The following THSD4 variants were observed in gnomAD, a reference collection of about 807,000 sequenced individuals.
The protein encoded by THSD4 is thrombospondin type-1 domain-containing protein 4.
A neutral mutation model predicts 119.0 loss-of-function variants in THSD4; 69 were observed. The observed-to-expected ratio is 0.58, with a 90% CI of 0.48 to 0.71. THSD4 has a LOEUF of 0.71. THSD4 is among the 30% of genes least tolerant of loss of function. The pLI, the probability that THSD4 is intolerant of heterozygous loss-of-function variation, is 0.00. For missense variants in THSD4, 1,393 were observed against 1,391.1 expected, an observed-to-expected ratio of 1.00 and a Z score of -0.02; for synonymous variants, 524 against 540.4, an observed-to-expected ratio of 0.97 and a Z score of 0.42.
At chr15:71,382,780 T>C (rs986259223) in intron 6 of THSD4, among the ~76,000 whole-genome samples, 1 of 152,214 alleles carries the variant, frequency 6.6e-6, no homozygotes, top group African/African-American at 2.4e-5. Context: ...TATTTTCTCA[T>C]AACACAATTT....
rs2051057366 is a variant in THSD4 at position 71,650,256 on chromosome 15, A to G, written c.1153-10274A>G. Among the ~76,000 whole-genome samples the G allele has an allele frequency of 2.0e-5, 3 of 152,312 alleles. No individual in the cohort carries two copies. The South Asian group carries it at 6.2e-4, about 32-fold the overall frequency. On this transcript the variant is annotated intron_variant, in intron 7 of 17. Transcript: ENST00000261862. ...GCTGCAACAGAGACCATATGACTGCAATGCCTGAGGTATTTACTCTCTGGC... is the reference window on the plus strand; with the variant it reads ...GCTGCAACAGAGACCATATGACTGCGATGCCTGAGGTATTTACTCTCTGGC...
At chr15:71,295,719 T>G (rs1039679238) in intron 6 of THSD4, among the ~76,000 whole-genome samples, 1 of 152,194 alleles carries the variant, frequency 6.6e-6, no homozygotes, top group Admixed American at 6.5e-5. Context: ...AGTCACATTT[T>G]ACAATCAATG....
At chr15:71,112,093 G>T, upstream of THSD4, 1 of 1,612,344 alleles carries the variant, frequency 6.2e-7, no homozygotes, top group East Asian at 2.2e-5. Flanking sequence ...TGAACTCCCA[G>T]AAGGTTGCTC....
intron 7 of THSD4, among the ~76,000 whole-genome samples, chr15:71,634,360 G>A (rs1196703448): frequency 6.6e-6 from 1 of 152,116 alleles, no homozygotes; most frequent in Non-Finnish European, 1.5e-5. Context: ...AGTTCCTTGG[G>A]AACACCAGTC....
At chr15:71,557,531 G>A (rs965713134) in intron 7 of THSD4, among the ~76,000 whole-genome samples, 1 of 151,986 alleles carries the variant, frequency 6.6e-6, no homozygotes, top group African/African-American at 2.4e-5. Flanking sequence ...ATGTCTGGAG[G>A]ATTTTCTATA....
rs185296354 is a variant in THSD4, at chr15:71,357,483, C to T, written c.1016-54204C>T. 9.8e-3 allele frequency among the ~76,000 whole-genome samples: 1,500 copies of T among 152,288 alleles called. 9 individuals carry two copies. The highest frequency in any genetic ancestry group is 0.014 in the Non-Finnish European group (943 of 68,022). ...CTGCAGACTGGCTTCTCTAAGAGGG[C>T]GTGGGCTGCAGCAGCCAAGAGCCAT... On this transcript the variant is annotated intron_variant, in intron 6 of 17. Transcript: ENST00000261862.
intron 14 of THSD4, among the ~76,000 whole-genome samples, chr15:71,750,606 T>G (rs1171109731): frequency 3.3e-5 from 5 of 152,198 alleles, no homozygotes; most frequent in Non-Finnish European, 7.3e-5. Context: ...CCCTGCCCCT[T>G]AGGCCCACGA....
chr15:71,153,623 G>C (rs1169936199), intron 2 of THSD4, among the ~76,000 whole-genome samples: 1 of 152,168 alleles, frequency 6.6e-6, no homozygotes, highest in African/African-American at 2.4e-5. Flanking sequence ...AATGGTGGAA[G>C]CTTTATCTAA....
chr15:71,224,594 A>AC (rs906754622), intron 4 of THSD4, among the ~76,000 whole-genome samples: 1 of 152,134 alleles, frequency 6.6e-6, no homozygotes, highest in African/African-American at 2.4e-5. Context: ...CTTAAAAAAA[A>AC]CACACCAGTT....
intron 15 of THSD4, among the ~76,000 whole-genome samples, chr15:71,758,785 C>T (rs2053584863): frequency 6.6e-6 from 1 of 152,148 alleles, no homozygotes; most frequent in Admixed American, 6.5e-5. Flanking sequence ...AGACCTCTGG[C>T]TCCATATAGA....
chr15:71,173,594 T>A lies in THSD4; in HGVS notation c.99+18662T>A, dbSNP rs939762724. 3.5e-3 allele frequency among the ~76,000 whole-genome samples: 529 copies of A among 149,062 alleles called. 4 individuals are homozygous for A. The highest frequency in any genetic ancestry group is 0.012 in the African/African-American group (498 of 40,412). The stretch of plus-strand genomic sequence containing the variant: ...TATATATATATATATATATACATTT[T>A]TATATATATATGGACAATTGATTTT... On this transcript the variant is annotated intron_variant, in intron 3 of 17. Transcript: ENST00000261862.
rs772196153 is a variant in THSD4, at chr15:71,297,315, C to CTTTTTTTTTTTT, written c.1015+40608_1015+40609insTTTTTTTTTTTT. Among the ~76,000 whole-genome samples the CTTTTTTTTTTTT allele has an allele frequency of 1.9e-3, 265 of 137,044 alleles. 2 individuals are homozygous for CTTTTTTTTTTTT. Among genetic ancestry groups the CTTTTTTTTTTTT allele is most frequent in the East Asian group, 4.1e-3 (19 of 4,670 alleles). The allele number at this position is 137,044 out of a possible 152,430, so 89.9% of individuals were successfully genotyped here. Reference sequence around the variant, plus strand: ...TATTCAAGTCCTTTGCTCTCCTCTTCTTTTTTTTGTTTGTTTGTTTGTTTG... The same window carrying CTTTTTTTTTTTT: ...TATTCAAGTCCTTTGCTCTCCTCTTCTTTTTTTTTTTTTTTTTTTTGTTTGTTTGTTTGTTTG... On this transcript the variant is annotated intron_variant, in intron 6 of 17. Transcript: ENST00000261862.
At chr15:71,436,103 C>T (rs1050491516) in intron 7 of THSD4, among the ~76,000 whole-genome samples, 31 of 152,242 alleles carry the variant, frequency 2.0e-4, no homozygotes, top group African/African-American at 5.5e-4. Flanking sequence ...GACCCTCATC[C>T]GGTTTTCATT....
At chr15:71,770,662 A>G (rs2053806206) in intron 16 of THSD4, among the ~76,000 whole-genome samples, 1 of 152,204 alleles carries the variant, frequency 6.6e-6, no homozygotes, top group Non-Finnish European at 1.5e-5. Flanking sequence ...CTCAAAAAAG[A>G]AAAAAATCTA....
chr15:71,486,867 T>C (rs570291401), intron 7 of THSD4, among the ~76,000 whole-genome samples: 1 of 152,224 alleles, frequency 6.6e-6, no homozygotes, highest in South Asian at 2.1e-4. Context: ...ATGAGAATAT[T>C]TTGAATTTGC....
intron 7 of THSD4, among the ~76,000 whole-genome samples, chr15:71,621,930 A>C (rs1426793973): frequency 6.6e-6 from 1 of 152,220 alleles, no homozygotes; most frequent in Non-Finnish European, 1.5e-5. Context: ...ATTTATCAAG[A>C]CTTCTTTGTA....
chr15:71,293,432 A>C (rs796842426), intron 6 of THSD4, among the ~76,000 whole-genome samples: 1 of 151,970 alleles, frequency 6.6e-6, no homozygotes, highest in African/African-American at 2.4e-5. Context: ...GCCCCTTCTC[A>C]GTTTCTCTGA....
intron 6 of THSD4, among the ~76,000 whole-genome samples, chr15:71,267,350 C>A (rs1567175720): frequency 6.6e-6 from 1 of 152,122 alleles, no homozygotes; most frequent in East Asian, 1.9e-4. Flanking sequence ...AATTTCATTT[C>A]ATTTCCAAAC....
intron 1 of THSD4, among the ~76,000 whole-genome samples, chr15:71,135,203 T>A (rs1412097667): frequency 4.0e-5 from 4 of 99,894 alleles, no homozygotes; most frequent in Non-Finnish European, 7.5e-5. Context: ...AATATCACAC[T>A]CTGGGGACTG....
Sources: allele counts gnomAD v4.1 joint callset (sites outside exome capture counted in the v4.1 genomes callset), GRCh38; gene constraint gnomAD v4.1.1; transcripts MANE v1.5; gene names NCBI Gene and HGNC (gene_info 2026-07-23, HGNC 2026-07-21).